Variants in LAMC3 observed in about 807,000 individuals in gnomAD.
LAMC3 encodes laminin subunit gamma 3, also known as laminin subunit gamma-3.
LAMC3 carries 128 observed loss-of-function variants against 173.8 expected under a neutral mutation model. That is an observed-to-expected ratio of 0.74 (90% CI 0.64 to 0.85). The LOEUF is 0.85. Ranked by LOEUF, LAMC3 falls within the 40% of genes least tolerant of loss-of-function variation. The pLI is 0.00. For synonymous variants in LAMC3, 897 were observed against 909.1 expected, an observed-to-expected ratio of 0.99 and a Z score of 0.24; for missense variants, 2,022 against 2,156.0, an observed-to-expected ratio of 0.94 and a Z score of 1.23.
At chr9:131,076,308 C>T (rs748662475) in intron 21 of LAMC3, among the ~76,000 whole-genome samples, 3 of 151,922 alleles carry the variant, frequency 2.0e-5, no homozygotes, top group Non-Finnish European at 2.9e-5. Flanking sequence ...CTCCTCTGAG[C>T]TCCTCTGAGG....
intron 27 of LAMC3, among the ~76,000 whole-genome samples, chr9:131,089,932 A>T (rs942832769): frequency 2.6e-5 from 4 of 151,934 alleles, no homozygotes; most frequent in Non-Finnish European, 4.4e-5. Flanking sequence ...GAGGAAACTG[A>T]GGTGAGGAGA....
chr9:131,051,929 G>A (rs1294535478), intron 9 of LAMC3, among the ~76,000 whole-genome samples: 5 of 152,196 alleles, frequency 3.3e-5, no homozygotes, highest in Non-Finnish European at 7.3e-5. Context: ...AGAAGGTACC[G>A]CACAGCGCTT....
intron 3 of LAMC3, 90 bp from the exon 4 acceptor site, chr9:131,036,075 AC>A (rs1254513497): frequency 7.3e-7 from 1 of 1,364,528 alleles, no homozygotes; most frequent in African/African-American, 1.4e-5. Context: ...AGTCTGGCTC[AC>A]ACCTGCAAAC....
Position 131,092,062 on chromosome 9 carries a change from C to T in LAMC3, c.*275C>T. 1 of 528,236 alleles carries T rather than the reference C, an allele frequency of 1.9e-6. No individual in the cohort carries two copies. Among genetic ancestry groups the T allele is most frequent in the African/African-American group, 1.9e-5 (1 of 52,498 alleles). 32.7% of individuals were successfully genotyped at this position (528,236 alleles called of 1,614,324 possible). A position where few individuals can be genotyped will look rare whatever the true frequency, so the allele number is the denominator to read the frequency against. On this transcript the variant is annotated 3_prime_UTR_variant, in exon 28 of 28. Coordinates refer to ENST00000361069, the MANE Select transcript of LAMC3 (RefSeq NM_006059.4). ...CACACCCCAGTGTCAATAACATACA[C>T]ACGTGAGGGTGCATGTCTGTGTGTA... is the stretch of plus-strand genomic sequence containing the variant.
chr9:131,038,078 C>T (rs894637126), intron 4 of LAMC3, among the ~76,000 whole-genome samples: 18 of 152,348 alleles, frequency 1.2e-4, no homozygotes, highest in East Asian at 3.9e-4. Flanking sequence ...CCTGGGCTTT[C>T]GCCTCCTGTC....
At position 131,026,677 on chromosome 9, in the gene LAMC3, G is replaced by A. The variant is rs750296967; in HGVS notation, c.678+88G>A. 1 of 1,443,912 alleles carries A rather than the reference G, an allele frequency of 6.9e-7. No homozygotes were observed. 89.4% of individuals were successfully genotyped at this position (1,443,912 alleles called of 1,614,324 possible). A position where few individuals can be genotyped will look rare whatever the true frequency, so the allele number is the denominator to read the frequency against. On this transcript the variant is annotated intron_variant, in intron 2 of 27. Transcript: ENST00000361069. The surrounding 1 kb of genome is among the most constrained non-coding windows in gnomAD (Gnocchi z 4.8). ...GGGTCTGATGTGCCAGGACACACAG[G>A]GTGGGGGACCTGCAAAACCCCATGG...
chr9:131,040,530 T>A (rs1834030449), intron 6 of LAMC3, among the ~76,000 whole-genome samples: 1 of 152,136 alleles, frequency 6.6e-6, no homozygotes, highest in African/African-American at 2.4e-5. Flanking sequence ...TCTTTGTATA[T>A]TTGAGAGGCA....
At position 131,082,173 on chromosome 9, in the gene LAMC3, C is replaced by T. The variant is rs1294840490; in HGVS notation, c.4030+12C>T. On this transcript the variant is annotated intron_variant, in intron 24 of 27. Coordinates refer to ENST00000361069, the MANE Select transcript of LAMC3 (RefSeq NM_006059.4). ...GGCTGATCTGGAAGGTACGTGAGTC[C>T]AGCTGACCACTAGGCTGTGTAATGA... 2 of 1,589,290 alleles carry T rather than the reference C, an allele frequency of 1.3e-6. No homozygotes were observed. The highest frequency in any genetic ancestry group is 1.3e-5 in the African/African-American group (1 of 74,456).
chr9:131,062,202 A>C (rs989740047), intron 13 of LAMC3, among the ~76,000 whole-genome samples: 3 of 152,014 alleles, frequency 2.0e-5, no homozygotes, highest in Admixed American at 2.0e-4. Flanking sequence ...TCTACTAAAA[A>C]TACGAAAAAT....
chr9:131,009,259 G>C lies in LAMC3; in HGVS notation c.45G>C (p.Pro15=). ...ALLLGLALLA[P]RAAGAGMGAC... is the part of the protein sequence containing the mutation. ...TGCTGGGGCTGGCGCTGCTGGCACC[G>C]CGGGCGGCCGGCGCGGGCATGGGCG... Residue 15 remains proline, a synonymous_variant, in exon 1 of 28, where the codon CCG becomes CCC. Transcript: ENST00000361069. This position sits in a 1 kb window ranked among gnomAD's most constrained non-coding sequence, Gnocchi z 4.3. 7.7e-7 allele frequency: 1 copy of C among 1,298,864 alleles called. No individual in the cohort carries two copies. The highest frequency in any genetic ancestry group is 9.7e-7 in the Non-Finnish European group (1 of 1,028,564). 80.5% of individuals were successfully genotyped at this position (1,298,864 alleles called of 1,614,324 possible). A position where few individuals can be genotyped will look rare whatever the true frequency, so the allele number is the denominator to read the frequency against.
intron 18 of LAMC3, 114 bp from the exon 19 acceptor site, chr9:131,072,516 T>C (rs1830052023): frequency 4.7e-6 from 4 of 860,054 alleles, no homozygotes; most frequent in Non-Finnish European, 7.5e-6. Flanking sequence ...CTGTTGGTGC[T>C]CAGGGCTGCT....
chr9:131,070,414 A>G (rs760889329), intron 17 of LAMC3, among the ~76,000 whole-genome samples: 5 of 152,238 alleles, frequency 3.3e-5, no homozygotes, highest in Non-Finnish European at 7.3e-5. Flanking sequence ...TAGAAAGATA[A>G]GATGGCATAC....
intron 7 of LAMC3, among the ~76,000 whole-genome samples, chr9:131,044,464 C>T (rs554627767): frequency 6.6e-6 from 1 of 152,108 alleles, no homozygotes; most frequent in Non-Finnish European, 1.5e-5. Flanking sequence ...GAGCTGAAAT[C>T]GTGCCACTGC....
chr9:131,077,131 C>G, intron 21 of LAMC3, 56 bp from the exon 22 acceptor site: 7 of 1,607,618 alleles, frequency 4.4e-6, no homozygotes, highest in Non-Finnish European at 5.9e-6. Flanking sequence ...GGGGCCCAGA[C>G]AGGGATGGGG....
intron 1 of LAMC3, among the ~76,000 whole-genome samples, chr9:131,017,855 G>A (rs895386165): frequency 4.0e-5 from 6 of 150,942 alleles, no homozygotes; most frequent in African/African-American, 1.5e-4. Context: ...GCAAAACCCC[G>A]TCTCTACTAA....
rs2133322077 is a variant in LAMC3 at position 131,071,337 on chromosome 9, T to C, written c.3070-147T>C. 3.7e-6 allele frequency: 3 copies of C among 803,932 alleles called. No homozygotes were observed. The East Asian group carries it at 8.0e-5, about 21-fold the overall frequency. The allele number at this position is 803,932 out of a possible 1,614,324, so 49.8% of individuals were successfully genotyped here. A position where few individuals can be genotyped will look rare whatever the true frequency, so the allele number is the denominator to read the frequency against. ...GGTGGGCAGGATTGGCTCTCAGAGG[T>C]GTGGCATACCCTTAGCGCTGAGGCC... On this transcript the variant is annotated intron_variant, in intron 17 of 27. Transcript: ENST00000361069.
intron 14 of LAMC3, 100 bp from the exon 15 acceptor site, chr9:131,067,978 C>T (rs1829968912): frequency 7.8e-7 from 1 of 1,289,908 alleles, no homozygotes; most frequent in African/African-American, 1.5e-5. Context: ...GCCGTATCAT[C>T]TCTGGAGGCT....
At position 131,082,081 on chromosome 9, in the gene LAMC3, C is replaced by T; in HGVS notation, c.3950C>T (p.Ala1317Val). Residue 1317 changes from alanine (A) to valine (V), a missense_variant, in exon 24 of 28, where the codon GCC (alanine) becomes GTC (valine). Transcript: ENST00000361069. ...CAGCTGCACCAGGAGGCCAGAGCCGCCCTGACCCAGGCTTCCTCATCTGTC... is the reference window on the plus strand; with the variant it reads ...CAGCTGCACCAGGAGGCCAGAGCCGTCCTGACCCAGGCTTCCTCATCTGTC... ...LTKLHQEARA[A>V]LTQASSSVQA... 2 of 1,613,900 alleles carry T rather than the reference C, an allele frequency of 1.2e-6. No homozygotes were observed. Among genetic ancestry groups the T allele is most frequent in the Non-Finnish European group, 1.7e-6 (2 of 1,179,910 alleles).
chr9:131,052,863 T>TCCGAGGA lies in LAMC3; in HGVS notation c.1839_1845dup (p.Val616ArgfsTer40). 1.2e-6 allele frequency: 2 copies of TCCGAGGA among 1,606,220 alleles called. No homozygotes were observed. The highest frequency in any genetic ancestry group is 8.5e-7 in the Non-Finnish European group (1 of 1,177,360). On this transcript the variant is annotated frameshift_variant, in exon 11 of 28. Coordinates refer to ENST00000361069, the MANE Select transcript of LAMC3 (RefSeq NM_006059.4). LOFTEE classifies it high-confidence loss of function. ...TTCTCTCGCCAGCCTGCAGGAGACC[T>TCCGAGGA]CCGAGGACGTGGCCCCTCCACTGCC...
Sources: gnomAD v4.1 joint callset for allele counts (sites outside exome capture counted in the v4.1 genomes callset) on GRCh38, gnomAD v4.1.1 for gene constraint, Gnocchi (gnomAD v3.1) non-coding constraint, MANE v1.5 for transcripts, NCBI Gene and HGNC (gene_info 2026-07-23, HGNC 2026-07-21) for gene names.